Variants in NEGR1 observed in about 807,000 individuals in gnomAD.
NEGR1 encodes the protein IgLON family member 4.
A neutral mutation model predicts 40.9 loss-of-function variants in NEGR1; 10 were observed. That is an observed-to-expected ratio of 0.24 (90% CI 0.15 to 0.42). NEGR1 has a LOEUF of 0.42. NEGR1 is among the 10% of genes least tolerant of loss of function. NEGR1 has a pLI of 1.00. For synonymous variants in NEGR1, 185 were observed against 166.8 expected, an observed-to-expected ratio of 1.11 and a Z score of -0.84; for missense variants, 352 against 438.9, an observed-to-expected ratio of 0.80 and a Z score of 1.77.
chr1:71,491,709 C>T (rs192445404), intron 6 of NEGR1, among the ~76,000 whole-genome samples: 10 of 152,036 alleles, frequency 6.6e-5, no homozygotes, highest in Non-Finnish European at 8.8e-5. Flanking sequence ...GTGTGTACCA[C>T]AGTAGCAAAT....
In NEGR1 at chr1:72,036,039, G is replaced by T. The variant is rs185987275; in HGVS notation, c.177-100728C>A. Among the ~76,000 whole-genome samples, 34 of 152,176 alleles carry T rather than the reference G, an allele frequency of 2.2e-4. No individual in the cohort carries two copies. In the East Asian group the frequency reaches 4.8e-3, roughly 22 times the overall value. On this transcript the variant is annotated intron_variant, in intron 1 of 6. Transcript: ENST00000357731. ...TTGCATTATAGTTGAAATGTGTACA[G>T]GCACGTGATTCAAAATTTGTTTACT... is the stretch of plus-strand genomic sequence containing the variant.
chr1:72,084,178 C>T (rs1207100267), intron 1 of NEGR1, among the ~76,000 whole-genome samples: 1 of 152,048 alleles, frequency 6.6e-6, no homozygotes, highest in Non-Finnish European at 1.5e-5. Context: ...TTAAACACTC[C>T]TTTGAAAGGT....
At chr1:71,705,934 C>A (rs1653880867) in intron 3 of NEGR1, among the ~76,000 whole-genome samples, 1 of 52,386 alleles carries the variant, frequency 1.9e-5, no homozygotes, top group Admixed American at 2.9e-4. Flanking sequence ...GAATAGAAAG[C>A]TCCAGGCATC....
chr1:71,570,064 CAA>C (rs1433770596), intron 6 of NEGR1, among the ~76,000 whole-genome samples: 1 of 152,080 alleles, frequency 6.6e-6, no homozygotes. Context: ...AAAACAACAA[CAA>C]AAAAGTTTCA....
Position 71,399,200 on chromosome 1 carries a change from A to G in NEGR1, c.*8246T>C, listed in dbSNP as rs1208213029. ...AAACCTGAATAATGAGAGAGCAGGA[A>G]TTCTGAACACACATACTAGTTTATC... On this transcript the variant is annotated 3_prime_UTR_variant, in exon 7 of 7. Transcript: ENST00000357731. The G allele has an allele frequency of 6.6e-6, 1 of 152,164 alleles. No homozygotes were observed. The highest frequency in any genetic ancestry group is 1.5e-5 in the Non-Finnish European group (1 of 68,026). 9.4% of individuals were successfully genotyped at this position (152,164 alleles called of 1,614,324 possible).
chr1:71,846,296 A>G (rs566865300), intron 2 of NEGR1, among the ~76,000 whole-genome samples: 1 of 152,202 alleles, frequency 6.6e-6, no homozygotes, highest in African/African-American at 2.4e-5. Flanking sequence ...CCGATTAGCC[A>G]CATCTATCTA....
At chr1:72,228,100 G>A (rs1471783298) in intron 1 of NEGR1, among the ~76,000 whole-genome samples, 2 of 152,174 alleles carry the variant, frequency 1.3e-5, no homozygotes, top group Non-Finnish European at 2.9e-5. Flanking sequence ...AAAGCCTCCC[G>A]CTGAGCCTCC....
intron 1 of NEGR1, among the ~76,000 whole-genome samples, chr1:72,239,742 A>G (rs1654673681): frequency 6.6e-6 from 1 of 151,764 alleles, no homozygotes; most frequent in African/African-American, 2.4e-5. Flanking sequence ...GGAATACTAG[A>G]AAGGAATTAG....
At chr1:71,877,478 C>G (rs1405457617) in intron 2 of NEGR1, among the ~76,000 whole-genome samples, 1 of 152,138 alleles carries the variant, frequency 6.6e-6, no homozygotes, top group African/African-American at 2.4e-5. Context: ...ATTCTTCCCT[C>G]TGTGTTTGTG....
intron 1 of NEGR1, among the ~76,000 whole-genome samples, chr1:71,943,353 A>G (rs962240420): frequency 6.6e-6 from 1 of 150,902 alleles, no homozygotes; most frequent in Admixed American, 6.6e-5. Context: ...ATATACATAT[A>G]TATGTATATA....
At chr1:71,882,513 G>T (rs1477116446) in intron 2 of NEGR1, among the ~76,000 whole-genome samples, 1 of 152,050 alleles carries the variant, frequency 6.6e-6, no homozygotes, top group East Asian at 1.9e-4. Flanking sequence ...TTAAGGAAGA[G>T]AATGTTTCCC....
intron 4 of NEGR1, among the ~76,000 whole-genome samples, chr1:71,658,186 G>C (rs1399069829): frequency 6.6e-6 from 1 of 152,176 alleles, no homozygotes; most frequent in Admixed American, 6.5e-5. Flanking sequence ...CCTTGGGGCA[G>C]GAATTGTTCA....
chr1:71,543,750 G>T (rs1000305567), intron 6 of NEGR1, among the ~76,000 whole-genome samples: 1 of 151,606 alleles, frequency 6.6e-6, no homozygotes, highest in African/African-American at 2.4e-5. Flanking sequence ...AACTTTAATA[G>T]TCCCCTTAAA....
rs1223428448 is a variant in NEGR1 at position 71,399,666 on chromosome 1, A to C, written c.*7780T>G. ...GTGTGAGTATGTGTTTTGTTTTGAA[A>C]AAGACATCAGCTTGAAGCAGTTTCA... is the stretch of plus-strand genomic sequence containing the variant. On this transcript the variant is annotated 3_prime_UTR_variant, in exon 7 of 7. Coordinates refer to ENST00000357731, the MANE Select transcript of NEGR1 (RefSeq NM_173808.3). The C allele has an allele frequency of 6.6e-6, 1 of 152,224 alleles. No individual in the cohort carries two copies. The highest frequency in any genetic ancestry group is 6.5e-5 in the Admixed American group (1 of 15,270). The allele number at this position is 152,224 out of a possible 1,614,324, so 9.4% of individuals were successfully genotyped here.
At chr1:71,746,694 A>G (rs1262803276) in intron 3 of NEGR1, among the ~76,000 whole-genome samples, 1 of 151,952 alleles carries the variant, frequency 6.6e-6, no homozygotes, top group Non-Finnish European at 1.5e-5. Flanking sequence ...CTTACTTGAA[A>G]AGAATATTTA....
intron 3 of NEGR1, among the ~76,000 whole-genome samples, chr1:71,736,833 G>A (rs1655053458): frequency 6.6e-6 from 1 of 152,180 alleles, no homozygotes; most frequent in Non-Finnish European, 1.5e-5. Context: ...GAGAAAAAAT[G>A]TGGTTAACTA....
chr1:71,846,677 A>C (rs1176580484), intron 2 of NEGR1, among the ~76,000 whole-genome samples: 2 of 152,164 alleles, frequency 1.3e-5, no homozygotes, highest in Non-Finnish European at 2.9e-5. Context: ...TAACTTAGAA[A>C]TATATCACAA....
chr1:71,713,356 A>G (rs779955368), intron 3 of NEGR1, among the ~76,000 whole-genome samples: 55 of 152,350 alleles, frequency 3.6e-4, no homozygotes, highest in African/African-American at 1.1e-3. Context: ...CCTATAAATT[A>G]GTTGTTTATA....
intron 1 of NEGR1, among the ~76,000 whole-genome samples, chr1:72,180,391 G>T (rs1652321255): frequency 6.6e-6 from 1 of 150,872 alleles, no homozygotes; most frequent in African/African-American, 2.4e-5. Context: ...AAAACTTCTG[G>T]GCATTGGCCA....
Sources: gnomAD v4.1 joint callset for allele counts (sites outside exome capture counted in the v4.1 genomes callset) on GRCh38, gnomAD v4.1.1 for gene constraint, MANE v1.5 for transcripts, NCBI Gene and HGNC (gene_info 2026-07-23, HGNC 2026-07-21) for gene names.